The following PCSK5 variants were observed in gnomAD, a reference collection of about 807,000 sequenced individuals.
PCSK5 encodes prohormone convertase 5.
In PCSK5, 129 loss-of-function variants were observed where a neutral mutation model predicts 233.2. The observed-to-expected ratio is 0.55, with a 90% CI of 0.48 to 0.64. The LOEUF is 0.64. Ranked by LOEUF, PCSK5 falls within the 30% of genes least tolerant of loss-of-function variation. The pLI is 0.00. For missense variants in PCSK5, 2,076 were observed against 2,430.1 expected (o/e 0.85, Z 3.06); for synonymous variants, 825 against 879.2 (o/e 0.94, Z 1.09).
chr9:76,289,699 T>G (rs189080760), intron 24 of PCSK5, among the ~76,000 whole-genome samples: 1 of 152,316 alleles, frequency 6.6e-6, no homozygotes, highest in African/African-American at 2.4e-5. Flanking sequence ...CTAAATCCAT[T>G]TAGCTTATGT....
intron 2 of PCSK5, among the ~76,000 whole-genome samples, chr9:75,958,293 A>G (rs564736949): frequency 7.2e-5 from 11 of 152,276 alleles, no homozygotes; most frequent in African/African-American, 2.4e-4. Context: ...CTCTGACCCA[A>G]TCCAGGCTCG....
intron 1 of PCSK5, among the ~76,000 whole-genome samples, chr9:75,897,702 A>G (rs1257435560): frequency 6.6e-6 from 1 of 151,900 alleles, no homozygotes; most frequent in African/African-American, 2.4e-5. Context: ...CCATGTTACC[A>G]GGCTTGTCTC....
At chr9:76,284,653 C>T (rs574829883) in intron 24 of PCSK5, among the ~76,000 whole-genome samples, 2 of 151,762 alleles carry the variant, frequency 1.3e-5, no homozygotes, top group East Asian at 3.9e-4. Flanking sequence ...CTGCCTCAAC[C>T]TCCCAAGTAG....
chr9:76,193,083 G>T (rs986346062), intron 20 of PCSK5, among the ~76,000 whole-genome samples: 1 of 151,282 alleles, frequency 6.6e-6, no homozygotes, highest in African/African-American at 2.4e-5. Flanking sequence ...AATCACTTTG[G>T]GTGGACCAAA....
chr9:76,030,289 A>G (rs1409873752), intron 5 of PCSK5, among the ~76,000 whole-genome samples: 3 of 152,132 alleles, frequency 2.0e-5, no homozygotes, highest in Non-Finnish European at 4.4e-5. Context: ...CCTTTATTCT[A>G]ATGTCATAAT....
chr9:76,223,013 C>T (rs928132093), intron 20 of PCSK5, among the ~76,000 whole-genome samples: 3 of 152,084 alleles, frequency 2.0e-5, no homozygotes, highest in East Asian at 1.9e-4. Flanking sequence ...ATCTGAGTGA[C>T]GAGGCACATA....
chr9:75,953,013 T>G (rs1476624733), intron 2 of PCSK5, among the ~76,000 whole-genome samples: 1 of 152,200 alleles, frequency 6.6e-6, no homozygotes, highest in Non-Finnish European at 1.5e-5. Flanking sequence ...TTATTTCCCT[T>G]GAAATCTGCA....
rs548444899 is a variant in PCSK5 at position 76,064,412 on chromosome 9, A to AC, written c.633-3536dup. On this transcript the variant is annotated intron_variant, in intron 5 of 37. Coordinates refer to ENST00000674117, the MANE Select transcript of PCSK5 (RefSeq NM_001372043.1). ...GCACGGCTGGCCAGGCGGGGGGCTG[A>AC]CCCCCCCACCTCCCTCCCGGATGGC... is the stretch of plus-strand genomic sequence containing the variant. 3.1e-3 allele frequency among the ~76,000 whole-genome samples: 306 copies of AC among 98,028 alleles called. 5 individuals carry two copies. Among genetic ancestry groups the AC allele is most frequent in the African/African-American group, 0.012 (275 of 22,780 alleles). 64.3% of individuals were successfully genotyped at this position (98,028 alleles called of 152,430 possible). A position where few individuals can be genotyped will look rare whatever the true frequency, so the allele number is the denominator to read the frequency against.
At chr9:76,258,451 G>A (rs1827053823) in intron 24 of PCSK5, among the ~76,000 whole-genome samples, 1 of 152,178 alleles carries the variant, frequency 6.6e-6, no homozygotes, top group African/African-American at 2.4e-5. Context: ...GTGCAATCAT[G>A]CTAGCTGCCC....
chr9:76,134,105 C>T lies in PCSK5; in HGVS notation c.1209-4C>T. The T allele has an allele frequency of 6.4e-7, 1 of 1,561,730 alleles. No individual in the cohort carries two copies. Among genetic ancestry groups the T allele is most frequent in the Non-Finnish European group, 8.8e-7 (1 of 1,142,104 alleles). On this transcript the variant is annotated splice_polypyrimidine_tract_variant and splice_region_variant and intron_variant, in intron 9 of 37. Transcript: ENST00000674117. ...ACAATGATTCTTACCTTGTCTTTCC[C>T]CAGTCCGTTTCTGACCTGGAGAGAC...
intron 24 of PCSK5, among the ~76,000 whole-genome samples, chr9:76,252,185 G>A (rs931900299): frequency 2.0e-5 from 3 of 152,110 alleles, no homozygotes; most frequent in Non-Finnish European, 4.4e-5. Context: ...GGAGAAAGGC[G>A]TGAACCTGGG....
intron 2 of PCSK5, among the ~76,000 whole-genome samples, chr9:75,953,067 T>C (rs1042349810): frequency 1.3e-5 from 2 of 152,210 alleles, no homozygotes; most frequent in African/African-American, 4.8e-5. Flanking sequence ...TTACATTGTG[T>C]ATTTTGACTT....
intron 10 of PCSK5, among the ~76,000 whole-genome samples, chr9:76,149,734 T>C (rs1275095111): frequency 1.3e-5 from 2 of 152,326 alleles, no homozygotes; most frequent in East Asian, 3.9e-4. Context: ...CTGGATATGA[T>C]GTGGGTTACA....
At chr9:75,894,822 G>C (rs533488193) in intron 1 of PCSK5, among the ~76,000 whole-genome samples, 1 of 152,238 alleles carries the variant, frequency 6.6e-6, no homozygotes, top group Admixed American at 6.5e-5. Flanking sequence ...CTGACCCTTT[G>C]AGCTAACAAT....
intron 8 of PCSK5, among the ~76,000 whole-genome samples, chr9:76,104,558 T>C (rs1258644281): frequency 1.3e-5 from 2 of 152,246 alleles, no homozygotes; most frequent in Admixed American, 6.5e-5. Flanking sequence ...TATGCCTAGA[T>C]ACCTTGTCAC....
intron 29 of PCSK5, among the ~76,000 whole-genome samples, 172 bp from the exon 30 acceptor site, chr9:76,310,484 C>T (rs1004466957): frequency 6.6e-6 from 1 of 152,150 alleles, no homozygotes; most frequent in African/African-American, 2.4e-5. Context: ...TGTCAATTGC[C>T]TTCTAGAAAT....
At chr9:75,936,586 A>T (rs1824066083) in intron 2 of PCSK5, among the ~76,000 whole-genome samples, 1 of 152,218 alleles carries the variant, frequency 6.6e-6, no homozygotes. Flanking sequence ...ATGAGATTGC[A>T]GCAATTCAGT....
chr9:75,907,044 T>C (rs1826291815), intron 1 of PCSK5, among the ~76,000 whole-genome samples: 1 of 152,204 alleles, frequency 6.6e-6, no homozygotes, highest in Admixed American at 6.5e-5. Flanking sequence ...CCCTGTCTCA[T>C]TAAATATCAC....
chr9:76,046,611 A>C (rs555366047), intron 5 of PCSK5, among the ~76,000 whole-genome samples: 2 of 118,678 alleles, frequency 1.7e-5, no homozygotes, highest in South Asian at 5.3e-4. Flanking sequence ...CCCAGGCTGG[A>C]GTGCAGTGGC....
Sources: gnomAD v4.1 joint callset for allele counts (sites outside exome capture counted in the v4.1 genomes callset) on GRCh38, gnomAD v4.1.1 for gene constraint, MANE v1.5 for transcripts, NCBI Gene and HGNC (gene_info 2026-07-23, HGNC 2026-07-21) for gene names.